The following OPRM1 variants were observed in gnomAD, a reference collection of about 807,000 sequenced individuals.
The protein encoded by OPRM1 is opioid receptor mu 1.
Under a neutral mutation model 31.8 loss-of-function variants are expected in OPRM1, and 27 were observed. The observed-to-expected ratio is 0.85, with a 90% CI of 0.63 to 1.17. The LOEUF (loss-of-function observed/expected upper bound fraction) is 1.17, where lower values mean the gene tolerates loss of function less well. OPRM1 is among the 50% of genes most tolerant of loss of function. The pLI is 0.00. For missense variants in OPRM1, 536 were observed against 511.1 expected (o/e 1.05, Z -0.47); for synonymous variants, 196 against 189.9 (o/e 1.03, Z -0.26).
At chr6:154,193,982 C>A (rs1309143728) in intron 3 of OPRM1, among the ~76,000 whole-genome samples, 2 of 152,156 alleles carry the variant, frequency 1.3e-5, no homozygotes, top group Non-Finnish European at 2.9e-5. Flanking sequence ...TCATGACATA[C>A]ACAGTTTACA....
In OPRM1 at chr6:154,055,028, C is replaced by T. The variant is rs540083018; in HGVS notation, c.290+15194C>T. Among the ~76,000 whole-genome samples, 4 of 152,332 alleles carry T rather than the reference C, an allele frequency of 2.6e-5. No homozygotes were observed. In the South Asian group the frequency reaches 8.3e-4, roughly 32 times the overall value. On this transcript the variant is annotated intron_variant, in intron 1 of 3. Transcript: ENST00000330432. The stretch of plus-strand genomic sequence containing the variant: ...GGAAAAATAGCCATATTCAACCTCA[C>T]ATGGGTTTTAGGTCCAAATAGATAA...
chr6:154,233,333 G>A (rs1463527648), intron 3 of OPRM1, among the ~76,000 whole-genome samples: 1 of 151,938 alleles, frequency 6.6e-6, no homozygotes. Context: ...TCAGATTAAT[G>A]GTTATAAAAA....
intron 3 of OPRM1, among the ~76,000 whole-genome samples, chr6:154,145,792 A>G (rs1195683921): frequency 6.6e-6 from 1 of 152,278 alleles, no homozygotes; most frequent in African/African-American, 2.4e-5. Context: ...GACATGGATC[A>G]AATGAACAGA....
chr6:154,109,303 A>C (rs1796054814), intron 3 of OPRM1, among the ~76,000 whole-genome samples: 1 of 152,238 alleles, frequency 6.6e-6, no homozygotes, highest in African/African-American at 2.4e-5. Flanking sequence ...CAATGGGTAG[A>C]GGTTACAGAG....
chr6:154,063,305 G>A (rs1304958953), intron 1 of OPRM1, among the ~76,000 whole-genome samples: 1 of 151,912 alleles, frequency 6.6e-6, no homozygotes, highest in Non-Finnish European at 1.5e-5. Context: ...AGTTAGTAAA[G>A]CTTACTGTAC....
chr6:154,237,270 CAT>C (rs1194630949), intron 3 of OPRM1, among the ~76,000 whole-genome samples: 1 of 152,240 alleles, frequency 6.6e-6, no homozygotes, highest in Non-Finnish European at 1.5e-5. Flanking sequence ...ACCATTAACT[CAT>C]GTGTTAACTG....
chr6:154,229,299 T>C (rs1779515643), intron 3 of OPRM1, among the ~76,000 whole-genome samples: 1 of 151,392 alleles, frequency 6.6e-6, no homozygotes, highest in African/African-American at 2.4e-5. Flanking sequence ...CCTCTGACAA[T>C]AAAGTGTTAA....
At chr6:154,084,724 C>T (rs1433265446) in intron 1 of OPRM1, among the ~76,000 whole-genome samples, 1 of 152,014 alleles carries the variant, frequency 6.6e-6, no homozygotes, top group Non-Finnish European at 1.5e-5. Flanking sequence ...AAGCACATTG[C>T]TGAACATATA....
intron 1 of OPRM1, among the ~76,000 whole-genome samples, chr6:154,066,437 C>T (rs1410743629): frequency 2.0e-5 from 3 of 152,096 alleles, no homozygotes; most frequent in African/African-American, 4.8e-5. Flanking sequence ...ATTACTGGCT[C>T]AATCTCCTAT....
intron 3 of OPRM1, among the ~76,000 whole-genome samples, chr6:154,204,813 T>C (rs2128597017): frequency 6.6e-6 from 1 of 152,278 alleles, no homozygotes; most frequent in Non-Finnish European, 1.5e-5. Context: ...AAAACCCTCT[T>C]ATAACTGCCC....
intron 3 of OPRM1, among the ~76,000 whole-genome samples, chr6:154,192,041 A>G (rs969007801): frequency 6.6e-6 from 1 of 152,222 alleles, no homozygotes; most frequent in African/African-American, 2.4e-5. Flanking sequence ...CTATAAAACA[A>G]TGAAAATGAA....
intron 1 of OPRM1, among the ~76,000 whole-genome samples, chr6:154,018,405 G>A (rs899416103): frequency 1.5e-4 from 23 of 151,864 alleles, no homozygotes; most frequent in African/African-American, 5.3e-4. Context: ...GTGTGACAGA[G>A]TGAGACTCTG....
intron 3 of OPRM1, chr6:154,109,129 G>T (rs576937759): frequency 2.9e-6 from 2 of 697,120 alleles, no homozygotes; most frequent in South Asian, 6.5e-5. Context: ...AAATTAGATT[G>T]TGTTCAGAGA....
At chr6:154,145,635 T>A (rs1798340344) in intron 3 of OPRM1, among the ~76,000 whole-genome samples, 1 of 152,252 alleles carries the variant, frequency 6.6e-6, no homozygotes, top group African/African-American at 2.4e-5. Flanking sequence ...AAGATTATTC[T>A]AAAATTTACA....
intron 3 of OPRM1, among the ~76,000 whole-genome samples, chr6:154,095,137 C>A (rs1039180588): frequency 1.3e-5 from 2 of 151,996 alleles, no homozygotes; most frequent in Non-Finnish European, 2.9e-5. Context: ...ACTAAAAATA[C>A]AAAATTAGCC....
At chr6:154,097,351 C>T (rs182145202) in intron 3 of OPRM1, among the ~76,000 whole-genome samples, 29 of 152,214 alleles carry the variant, frequency 1.9e-4, no homozygotes, top group African/African-American at 6.5e-4. Context: ...AAACTAAAAG[C>T]AGAAGCCTAC....
At chr6:154,231,173 A>T (rs1308469214) in intron 3 of OPRM1, among the ~76,000 whole-genome samples, 1 of 152,222 alleles carries the variant, frequency 6.6e-6, no homozygotes, top group African/African-American at 2.4e-5. Flanking sequence ...CAGACTCATG[A>T]CCACTAGAGA....
chr6:154,020,568 C>T (rs1049513229), intron 1 of OPRM1, among the ~76,000 whole-genome samples: 3 of 152,072 alleles, frequency 2.0e-5, no homozygotes, highest in Non-Finnish European at 2.9e-5. Context: ...AAAACACAAC[C>T]GAACACTTTA....
intron 1 of OPRM1, among the ~76,000 whole-genome samples, chr6:154,049,663 G>C (rs931477959): frequency 5.3e-5 from 8 of 152,162 alleles, no homozygotes; most frequent in Non-Finnish European, 8.8e-5. Context: ...AAATATGGTA[G>C]CAAATTCATG....
Sources: allele counts gnomAD v4.1 joint callset (sites outside exome capture counted in the v4.1 genomes callset), GRCh38; gene constraint gnomAD v4.1.1; transcripts MANE v1.5; gene names NCBI Gene and HGNC (gene_info 2026-07-23, HGNC 2026-07-21).